Variants in FBXL15 observed in about 807,000 individuals in gnomAD.
FBXL15 encodes F-box and leucine rich repeat protein 15.
A neutral mutation model predicts 23.6 loss-of-function variants in FBXL15; 19 were observed. That is an observed-to-expected ratio of 0.81 (90% CI 0.56 to 1.18). The LOEUF is 1.18. FBXL15 is among the 50% of genes most tolerant of loss of function. The probability of loss-of-function intolerance (pLI) is 0.00; values close to 1 mark genes in which losing one functional copy is unlikely to be tolerated. For synonymous variants in FBXL15, 224 were observed against 207.7 expected (o/e 1.08, Z -0.67); for missense variants, 385 against 425.4 (o/e 0.91, Z 0.83).
chr10:102,421,497 A>T lies in FBXL15; in HGVS notation c.197A>T (p.Asp66Val), dbSNP rs778654298. 32 of 1,474,788 alleles carry T rather than the reference A, an allele frequency of 2.2e-5. 1 individual carries two copies. In the South Asian group the frequency reaches 4.2e-4, roughly 20 times the overall value. The allele number at this position is 1,474,788 out of a possible 1,614,324, so 91.4% of individuals were successfully genotyped here. A position where few individuals can be genotyped will look rare whatever the true frequency, so the allele number is the denominator to read the frequency against. The change falls in exon 2 of 4, where the codon GAT becomes GTT. Residue 66 changes from aspartate to valine, a missense_variant. This residue lies in a region of FBXL15 where 130 missense variants were observed against 95.1 expected (regional missense o/e 1.37). Coordinates refer to ENST00000369956, the MANE Select transcript of FBXL15 (RefSeq NM_024326.4). Reference protein sequence around the residue: ...QLHLAGLRRFDAAQVGPQIPR... With the variant: ...QLHLAGLRRFVAAQVGPQIPR... ...CACCTGGCCGGGCTGCGTCGCTTCG[A>T]TGCCGCGCAGGTGAGCCGGGGGCTG...
At position 102,421,483 on chromosome 10, in the gene FBXL15, G is replaced by C; in HGVS notation, c.183G>C (p.Gly61=). ...CGCTGGTGCAGCTTCACCTGGCCGG[G>C]CTGCGTCGCTTCGATGCCGCGCAGG... The part of the protein sequence containing the change: ...FRSLVQLHLA[G]LRRFDAAQVG... Residue 61 remains glycine, a synonymous_variant, in exon 2 of 4, where the codon GGG becomes GGC. Coordinates refer to ENST00000369956, the MANE Select transcript of FBXL15 (RefSeq NM_024326.4). 2 of 1,489,784 alleles carry C rather than the reference G, an allele frequency of 1.3e-6. No homozygotes were observed. Among genetic ancestry groups the C allele is most frequent in the Non-Finnish European group, 8.9e-7 (1 of 1,122,540 alleles). 92.3% of individuals were successfully genotyped at this position (1,489,784 alleles called of 1,614,324 possible).
Position 102,422,971 on chromosome 10 carries a change from CT to C in FBXL15, c.885del (p.Phe295LeufsTer32), listed in dbSNP as rs2061580457. ...CTGCAGGATATGGCGGGCTTCGCAC[CT>C]TTTGTCAACCTGCAGGTCTGACCCG... is the stretch of plus-strand genomic sequence containing the variant. Reference protein sequence around the residue: ...VLLQDMAGFAPFVNLQV With the variant: ...VLLQDMAGFAXFVNLQV On this transcript the variant is annotated frameshift_variant, in exon 4 of 4. Transcript: ENST00000369956. LOFTEE classifies it high-confidence loss of function. The C allele has an allele frequency of 6.4e-7, 1 of 1,567,510 alleles. No homozygotes were observed. Among genetic ancestry groups the C allele is most frequent in the Non-Finnish European group, 8.6e-7 (1 of 1,156,404 alleles).
Position 102,422,090 on chromosome 10 carries a change from C to G in FBXL15, c.511C>G (p.Leu171Val), listed in dbSNP as rs2061572002. 6.4e-7 allele frequency: 1 copy of G among 1,574,540 alleles called. No homozygotes were observed. Among genetic ancestry groups the G allele is most frequent in the Non-Finnish European group, 8.6e-7 (1 of 1,162,690 alleles). The change falls in exon 3 of 4, where the codon CTG becomes GTG. Residue 171 changes from leucine (L) to valine (V), a missense_variant. Leu to Val is a conservative substitution (Grantham distance 32). Around this residue, in one of 2 missense-constraint regions of FBXL15, gnomAD observed 255 missense variants for 330.2 expected, o/e 0.77. Transcript: ENST00000369956. The part of the protein sequence containing the change: ...LADRCPALEE[L>V]DLTACRQLKD... The stretch of plus-strand genomic sequence containing the variant: ...TGATCGCTGCCCGGCCCTGGAGGAG[C>G]TGGATCTCACCGCCTGCCGCCAGCT...
At chr10:102,421,315 G>T in intron 1 of FBXL15, 39 bp from the exon 2 acceptor site, 1 of 1,554,032 alleles carries the variant, frequency 6.4e-7, no homozygotes. Context: ...AGGTAATAGT[G>T]GCCCCGGGAC....
intron 1 of FBXL15, 26 bp downstream of exon 1, chr10:102,421,208 G>C (rs1030953029): frequency 6.2e-7 from 1 of 1,602,404 alleles, no homozygotes; most frequent in African/African-American, 1.3e-5. Flanking sequence ...GGGGCCGAGA[G>C]GGAAGAGGAA....
Position 102,422,257 on chromosome 10 carries a change from C to T in FBXL15, c.678C>T (p.Leu226=). ...GCCCAGAACTCCACCACCTTGACCT[C>T]ACCGGCTGCCTCCGCGTCGGAAGCG... The part of the protein sequence containing the change: ...RNCPELHHLD[L]TGCLRVGSDG... Residue 226 remains leucine (L), a synonymous_variant, in exon 3 of 4, where the codon CTC becomes CTT. Coordinates refer to ENST00000369956, the MANE Select transcript of FBXL15 (RefSeq NM_024326.4). The T allele has an allele frequency of 6.7e-7, 1 of 1,494,640 alleles. No homozygotes were observed. The highest frequency in any genetic ancestry group is 8.9e-7 in the Non-Finnish European group (1 of 1,122,794). The allele number at this position is 1,494,640 out of a possible 1,614,324, so 92.6% of individuals were successfully genotyped here. A position where few individuals can be genotyped will look rare whatever the true frequency, so the allele number is the denominator to read the frequency against.
At chr10:102,422,562 C>T (rs1036912391) in intron 3 of FBXL15, among the ~76,000 whole-genome samples, 1 of 152,208 alleles carries the variant, frequency 6.6e-6, no homozygotes, top group African/African-American at 2.4e-5. Flanking sequence ...ATCTTGCAAT[C>T]CTAGGCGGAG....
At chr10:102,421,569 C>A in intron 2 of FBXL15, 62 bp downstream of exon 2, 1 of 1,436,716 alleles carries the variant, frequency 7.0e-7, no homozygotes, top group Non-Finnish European at 9.1e-7. Flanking sequence ...GCCCAGCCCC[C>A]AGCCCCGCAG....
rs911220574 is a variant in FBXL15, at chr10:102,421,679, C to A, written c.208-108C>A. On this transcript the variant is annotated intron_variant, in intron 2 of 3. Coordinates refer to ENST00000369956, the MANE Select transcript of FBXL15 (RefSeq NM_024326.4). ...TAGCGACTCAGAGGGAAAGTGGGGT[C>A]TCTCCTGGGAGAGCAGGAGGCTGCC... The A allele has an allele frequency of 6.2e-6, 9 of 1,441,258 alleles. No individual in the cohort carries two copies. The African/African-American group carries it at 1.1e-4, about 18-fold the overall frequency. 89.3% of individuals were successfully genotyped at this position (1,441,258 alleles called of 1,614,324 possible).
Position 102,421,195 on chromosome 10 carries a change from G to T in FBXL15, c.53+13G>T. ...CCGGAGCCGTCAGGTACCGAGCACCGGAGGGGCCGAGAGGGAAGAGGAACC... is the reference window on the plus strand; with the variant it reads ...CCGGAGCCGTCAGGTACCGAGCACCTGAGGGGCCGAGAGGGAAGAGGAACC... On this transcript the variant is annotated intron_variant, in intron 1 of 3. Transcript: ENST00000369956. 1.2e-6 allele frequency: 2 copies of T among 1,606,294 alleles called. No homozygotes were observed. Among genetic ancestry groups the T allele is most frequent in the Non-Finnish European group, 1.7e-6 (2 of 1,176,526 alleles).
chr10:102,421,204 G>T (rs369207521), intron 1 of FBXL15, 22 bp downstream of exon 1: 29 of 1,602,680 alleles, frequency 1.8e-5, no homozygotes, highest in Admixed American at 5.1e-5. Flanking sequence ...CGGAGGGGCC[G>T]AGAGGGAAGA....
In FBXL15 at chr10:102,421,480, C is replaced by G; in HGVS notation, c.180C>G (p.Ala60=). The G allele has an allele frequency of 6.7e-7, 1 of 1,492,324 alleles. No individual in the cohort carries two copies. The allele number at this position is 1,492,324 out of a possible 1,614,324, so 92.4% of individuals were successfully genotyped here. A position where few individuals can be genotyped will look rare whatever the true frequency, so the allele number is the denominator to read the frequency against. The change falls in exon 2 of 4, where the codon GCC becomes GCG. Residue 60 remains alanine, a synonymous_variant. Coordinates refer to ENST00000369956, the MANE Select transcript of FBXL15 (RefSeq NM_024326.4). ...GGTCGCTGGTGCAGCTTCACCTGGC[C>G]GGGCTGCGTCGCTTCGATGCCGCGC... is the stretch of plus-strand genomic sequence containing the variant. The part of the protein sequence containing the change: ...AFRSLVQLHL[A]GLRRFDAAQV...
Position 102,421,778 on chromosome 10 carries a change from C to T in FBXL15, c.208-9C>T, listed in dbSNP as rs775647553. Reference sequence around the variant, plus strand: ...CGGGCTGAGAGTTGGGGTGCCTCCCCGCCCGCAGGTGGGTCCGCAGATCCC... The same window carrying T: ...CGGGCTGAGAGTTGGGGTGCCTCCCTGCCCGCAGGTGGGTCCGCAGATCCC... On this transcript the variant is annotated splice_polypyrimidine_tract_variant and intron_variant, in intron 2 of 3. Transcript: ENST00000369956. 8 of 1,540,428 alleles carry T rather than the reference C, an allele frequency of 5.2e-6. No homozygotes were observed. In the South Asian group the frequency reaches 8.3e-5, roughly 16 times the overall value.
chr10:102,421,282 G>C, intron 1 of FBXL15, 72 bp from the exon 2 acceptor site: 1 of 1,560,686 alleles, frequency 6.4e-7, no homozygotes, highest in Non-Finnish European at 8.6e-7. Flanking sequence ...TGGGGCGCAG[G>C]AACATAACGG....
chr10:102,421,430 C>T lies in FBXL15; in HGVS notation c.130C>T (p.Leu44=), dbSNP rs201736686. The change falls in exon 2 of 4, where the codon CTG becomes TTG. Residue 44 remains leucine (L), a synonymous_variant. Coordinates refer to ENST00000369956, the MANE Select transcript of FBXL15 (RefSeq NM_024326.4). ...NRVPLRQLLR[L]QRVSRAFRSL... ...GGTCCCGCTGCGCCAGCTGCTCCGG[C>T]TGCAGCGCGTTAGCCGGGCCTTCCG... is the stretch of plus-strand genomic sequence containing the variant. 8.3e-6 allele frequency: 13 copies of T among 1,557,328 alleles called. No individual in the cohort carries two copies. In the East Asian group the frequency reaches 2.6e-4, roughly 32 times the overall value.
Position 102,422,226 on chromosome 10 carries a change from G to A in FBXL15, c.647G>A (p.Arg216Gln), listed in dbSNP as rs1485215087. The A allele has an allele frequency of 1.3e-6, 2 of 1,522,634 alleles. No homozygotes were observed. Among genetic ancestry groups the A allele is most frequent in the Admixed American group, 4.2e-5 (2 of 47,192 alleles). The allele number at this position is 1,522,634 out of a possible 1,614,324, so 94.3% of individuals were successfully genotyped here. A position where few individuals can be genotyped will look rare whatever the true frequency, so the allele number is the denominator to read the frequency against. ...VGDAAVQELA[R>Q]NCPELHHLDL... ...GACGCCGCGGTTCAAGAGTTGGCTC[G>A]GAACTGCCCAGAACTCCACCACCTT... Residue 216 changes from arginine (R) to glutamine (Q), a missense_variant, in exon 3 of 4, where the codon CGG becomes CAG. By Grantham distance (43) the Arg-to-Gln change is conservative (BLOSUM62 1). Around this residue, in one of 2 missense-constraint regions of FBXL15, gnomAD observed 255 missense variants for 330.2 expected, o/e 0.77. Coordinates refer to ENST00000369956, the MANE Select transcript of FBXL15 (RefSeq NM_024326.4).
Position 102,422,868 on chromosome 10 carries a change from G to C in FBXL15, c.778G>C (p.Glu260Gln), listed in dbSNP as rs1234979430. 6.2e-7 allele frequency: 1 copy of C among 1,610,894 alleles called. No individual in the cohort carries two copies. Among genetic ancestry groups the C allele is most frequent in the Non-Finnish European group, 8.5e-7 (1 of 1,179,496 alleles). Reference protein sequence around the residue: ...LRVRHCHHVAESSLSRLRKRG... With the variant: ...LRVRHCHHVAQSSLSRLRKRG... ...GGTGCGGCACTGCCACCATGTGGCG[G>C]AGTCCAGCCTGAGCCGCTTGCGGAA... Residue 260 changes from glutamate (E) to glutamine (Q), a missense_variant, in exon 4 of 4, where the codon GAG becomes CAG. Transcript: ENST00000369956.
chr10:102,421,240 CG>C (rs2061557402), intron 1 of FBXL15, 58 bp downstream of exon 1: 1 of 1,586,230 alleles, frequency 6.3e-7, no homozygotes, highest in African/African-American at 1.3e-5. Context: ...GGAGCCGAGC[CG>C]GGGCTGGGTC....
Position 102,422,231 on chromosome 10 carries a change from T to C in FBXL15, c.652T>C (p.Cys218Arg). Reference sequence around the variant, plus strand: ...CGCGGTTCAAGAGTTGGCTCGGAACTGCCCAGAACTCCACCACCTTGACCT... The same window carrying C: ...CGCGGTTCAAGAGTTGGCTCGGAACCGCCCAGAACTCCACCACCTTGACCT... Reference protein sequence around the residue: ...DAAVQELARNCPELHHLDLTG... With the variant: ...DAAVQELARNRPELHHLDLTG... The change falls in exon 3 of 4, where the codon TGC becomes CGC. Residue 218 changes from cysteine (C) to arginine (R), a missense_variant. Around this residue, in one of 2 missense-constraint regions of FBXL15, gnomAD observed 255 missense variants for 330.2 expected, o/e 0.77. Transcript: ENST00000369956. The C allele has an allele frequency of 6.6e-7, 1 of 1,513,584 alleles. No individual in the cohort carries two copies. Among genetic ancestry groups the C allele is most frequent in the Non-Finnish European group, 8.8e-7 (1 of 1,130,354 alleles). 93.8% of individuals were successfully genotyped at this position (1,513,584 alleles called of 1,614,324 possible). A position where few individuals can be genotyped will look rare whatever the true frequency, so the allele number is the denominator to read the frequency against.
Sources: gnomAD v4.1 joint callset for allele counts (sites outside exome capture counted in the v4.1 genomes callset) on GRCh38, gnomAD v4.1.1 for gene constraint, gnomAD v4.1.1 regional missense constraint, MANE v1.5 for transcripts, NCBI Gene and HGNC (gene_info 2026-07-23, HGNC 2026-07-21) for gene names.